Variants in HPSE2 observed in about 807,000 individuals in gnomAD.
The protein encoded by HPSE2 is heparanase 2 (inactive), also known as inactive heparanase-2.
Under a neutral mutation model 60.5 loss-of-function variants are expected in HPSE2, and 38 were observed. The ratio of observed to expected loss-of-function variants is 0.63; its 90% CI spans 0.48 to 0.82. The LOEUF (loss-of-function observed/expected upper bound fraction) is 0.82. Ranked by LOEUF, HPSE2 falls within the 40% of genes least tolerant of loss-of-function variation. HPSE2 has a pLI of 0.00. For missense variants in HPSE2, 713 were observed against 740.4 expected, an observed-to-expected ratio of 0.96 and a Z score of 0.43; for synonymous variants, 295 against 293.2, an observed-to-expected ratio of 1.01 and a Z score of -0.06.
chr10:99,012,078 T>C (rs1472631358), intron 3 of HPSE2, among the ~76,000 whole-genome samples: 1 of 151,868 alleles, frequency 6.6e-6, no homozygotes, highest in Non-Finnish European at 1.5e-5. Flanking sequence ...TGACATATAA[T>C]TTAATACTTA....
chr10:99,254,769 T>C, the HPSE2 span, among the ~76,000 whole-genome samples: 78,184 of 152,054 alleles, frequency 0.51, 23,261 homozygotes, highest in East Asian at 0.66. Context: ...AACTACAGTG[T>C]GGATGAGCTT....
the HPSE2 span, among the ~76,000 whole-genome samples, chr10:99,256,669 ATCTT>A: frequency 1.3e-5 from 2 of 152,264 alleles, no homozygotes; most frequent in South Asian, 2.1e-4. Flanking sequence ...AGGTAAAACT[ATCTT>A]TATTCTCAAA....
chr10:98,809,920 TG>T (rs1457849904), intron 3 of HPSE2, among the ~76,000 whole-genome samples: 1 of 152,166 alleles, frequency 6.6e-6, no homozygotes, highest in African/African-American at 2.4e-5. Context: ...CTTAATTCTT[TG>T]ATCTTTCCCA....
intron 6 of HPSE2, among the ~76,000 whole-genome samples, chr10:98,673,214 G>A (rs563446620): frequency 2.0e-5 from 3 of 152,254 alleles, no homozygotes; most frequent in African/African-American, 7.2e-5. Flanking sequence ...CATCTACATT[G>A]AGATAATACA....
At chr10:98,591,263 A>G (rs1194842499) in intron 9 of HPSE2, among the ~76,000 whole-genome samples, 1 of 152,256 alleles carries the variant, frequency 6.6e-6, no homozygotes, top group Non-Finnish European at 1.5e-5. Flanking sequence ...GACAATTTAC[A>G]TGGAGCACCA....
At chr10:98,554,787 G>A (rs1943958642) in intron 9 of HPSE2, among the ~76,000 whole-genome samples, 2 of 152,168 alleles carry the variant, frequency 1.3e-5, no homozygotes, top group South Asian at 4.1e-4. Flanking sequence ...GTTAGTCTTG[G>A]TTCTGCCTTG....
intron 4 of HPSE2, among the ~76,000 whole-genome samples, chr10:98,725,292 T>C (rs369442518): frequency 1.3e-5 from 2 of 152,084 alleles, no homozygotes; most frequent in African/African-American, 4.8e-5. Flanking sequence ...AAAACAGAGA[T>C]ATAGACCAAT....
At chr10:99,047,968 G>A (rs556691715) in intron 3 of HPSE2, 130 of 721,930 alleles carry the variant, frequency 1.8e-4, no homozygotes, top group African/African-American at 7.4e-4. Context: ...AGATGTTTCC[G>A]TTTCTTTGCC....
the HPSE2 span, among the ~76,000 whole-genome samples, chr10:99,296,391 T>A: frequency 3.3e-5 from 5 of 152,328 alleles, no homozygotes; most frequent in Middle Eastern, 3.4e-3. Flanking sequence ...ATGTTTGCCA[T>A]GAACACAGAG....
chr10:98,505,659 T>G (rs1368734594), intron 9 of HPSE2, among the ~76,000 whole-genome samples: 1 of 152,224 alleles, frequency 6.6e-6, no homozygotes, highest in African/African-American at 2.4e-5. Flanking sequence ...AAAGTTCTTT[T>G]TCTTTCATGG....
intron 3 of HPSE2, among the ~76,000 whole-genome samples, chr10:98,769,754 T>A (rs1950202133): frequency 6.6e-6 from 1 of 152,130 alleles, no homozygotes; most frequent in Admixed American, 6.5e-5. Context: ...GGGTACTGAG[T>A]ATAATCAAAG....
intron 9 of HPSE2, among the ~76,000 whole-genome samples, chr10:98,545,855 G>A (rs1412377043): frequency 6.6e-6 from 1 of 151,528 alleles, no homozygotes; most frequent in Non-Finnish European, 1.5e-5. Flanking sequence ...AAAAGAGGAA[G>A]TCAAACTGTC....
intron 9 of HPSE2, among the ~76,000 whole-genome samples, chr10:98,551,199 G>A (rs912193783): frequency 6.6e-6 from 1 of 152,118 alleles, no homozygotes; most frequent in African/African-American, 2.4e-5. Context: ...ATGTGGGATT[G>A]GGTTTGCTAG....
At position 98,884,363 on chromosome 10, in the gene HPSE2, C is replaced by T. The variant is rs141493232; in HGVS notation, c.611-140307G>A. ...GTGGCTACACTGAACAACAGATTTT[C>T]GACGTAGTTGAAACAGCCTTCTATT... On this transcript the variant is annotated intron_variant, in intron 3 of 11. Coordinates refer to ENST00000370552, the MANE Select transcript of HPSE2 (RefSeq NM_021828.5). 7.2e-4 allele frequency among the ~76,000 whole-genome samples: 109 copies of T among 152,222 alleles called. 1 individual carries two copies. The highest frequency in any genetic ancestry group is 2.5e-3 in the African/African-American group (103 of 41,546).
chr10:98,801,698 C>G (rs966024627), intron 3 of HPSE2, among the ~76,000 whole-genome samples: 1 of 151,694 alleles, frequency 6.6e-6, no homozygotes, highest in African/African-American at 2.4e-5. Context: ...GAAAAGGACA[C>G]AAAAAAATGA....
At chr10:98,989,215 T>C (rs1266058891) in intron 3 of HPSE2, among the ~76,000 whole-genome samples, 1 of 152,198 alleles carries the variant, frequency 6.6e-6, no homozygotes, top group Admixed American at 6.5e-5. Flanking sequence ...ATTGTGGCAC[T>C]ATTCACAACA....
chr10:99,188,483 A>T (rs1848109687), intron 2 of HPSE2, among the ~76,000 whole-genome samples: 1 of 152,212 alleles, frequency 6.6e-6, no homozygotes, highest in East Asian at 1.9e-4. Context: ...AATTCTTTTA[A>T]AATCATTTGC....
intron 9 of HPSE2, among the ~76,000 whole-genome samples, chr10:98,574,997 C>CT (rs1363216845): frequency 6.6e-6 from 1 of 152,054 alleles, no homozygotes; most frequent in Non-Finnish European, 1.5e-5. Flanking sequence ...TTTTTCTTTT[C>CT]TTTTTTATTT....
intron 2 of HPSE2, among the ~76,000 whole-genome samples, chr10:99,197,593 A>G (rs1848444716): frequency 1.3e-5 from 2 of 152,244 alleles, no homozygotes; most frequent in South Asian, 4.1e-4. Flanking sequence ...TTTGAAGATT[A>G]AATGACACAT....
Sources: allele counts gnomAD v4.1 joint callset (sites outside exome capture counted in the v4.1 genomes callset), GRCh38; gene constraint gnomAD v4.1.1; transcripts MANE v1.5; gene names NCBI Gene and HGNC (gene_info 2026-07-23, HGNC 2026-07-21).